Variants in ADAMTS20 observed in about 807,000 individuals in gnomAD.
ADAMTS20 encodes A disintegrin and metalloproteinase with thrombospondin motifs 20.
In ADAMTS20, 225 loss-of-function variants were observed where a neutral mutation model predicts 260.1. The observed-to-expected ratio is 0.87, with a 90% CI of 0.78 to 0.97. The LOEUF is 0.97. ADAMTS20 is among the 50% of genes least tolerant of loss of function. ADAMTS20 has a pLI of 0.00. For synonymous variants in ADAMTS20, 802 were observed against 769.5 expected, an observed-to-expected ratio of 1.04 and a Z score of -0.70; for missense variants, 2,400 against 2,337.7, an observed-to-expected ratio of 1.03 and a Z score of -0.55.
intron 29 of ADAMTS20, among the ~76,000 whole-genome samples, chr12:43,395,899 A>C (rs1168302402): frequency 6.6e-6 from 1 of 151,936 alleles, no homozygotes; most frequent in Non-Finnish European, 1.5e-5. Flanking sequence ...GAGATTGTGC[A>C]TTTGGATGGC....
intron 6 of ADAMTS20, among the ~76,000 whole-genome samples, 192 bp downstream of exon 6, chr12:43,492,313 G>T (rs2137430215): frequency 6.6e-6 from 1 of 151,798 alleles, no homozygotes; most frequent in East Asian, 1.9e-4. Context: ...CCAGGAGGCG[G>T]AGCTTGCAGT....
chr12:43,517,192 G>A (rs1017200497), intron 3 of ADAMTS20, among the ~76,000 whole-genome samples: 1 of 151,902 alleles, frequency 6.6e-6, no homozygotes, highest in Non-Finnish European at 1.5e-5. Context: ...TCTAAGGACA[G>A]TTCTAGAAAA....
chr12:43,490,901 T>C (rs1367314139), intron 6 of ADAMTS20, among the ~76,000 whole-genome samples: 1 of 152,102 alleles, frequency 6.6e-6, no homozygotes, highest in African/African-American at 2.4e-5. Flanking sequence ...TCTTATCACC[T>C]CTTTCTCATA....
intron 7 of ADAMTS20, among the ~76,000 whole-genome samples, chr12:43,472,507 G>C (rs991672941): frequency 1.5e-5 from 2 of 135,370 alleles, no homozygotes; most frequent in African/African-American, 5.7e-5. Flanking sequence ...TACTCCTCGA[G>C]AAGAGCAACT....
intron 3 of ADAMTS20, among the ~76,000 whole-genome samples, chr12:43,527,453 C>T (rs996783782): frequency 6.6e-5 from 10 of 152,098 alleles, no homozygotes; most frequent in African/African-American, 1.7e-4. Context: ...AAAGTACTGG[C>T]TAACCAAATC....
intron 32 of ADAMTS20, 90 bp downstream of exon 32, chr12:43,377,275 G>T: frequency 8.7e-7 from 1 of 1,153,724 alleles, no homozygotes; most frequent in Non-Finnish European, 1.2e-6. Flanking sequence ...CAACTCTGAG[G>T]ATCTAGTTAG....
intron 28 of ADAMTS20, among the ~76,000 whole-genome samples, chr12:43,416,860 A>C (rs1941142746): frequency 1.3e-5 from 2 of 152,034 alleles, no homozygotes; most frequent in African/African-American, 4.8e-5. Context: ...TGGTTTTGCT[A>C]TAGGTGGTCT....
intron 38 of ADAMTS20, 72 bp from the exon 39 acceptor site, chr12:43,354,370 C>A (rs1457196255): frequency 2.4e-5 from 27 of 1,131,740 alleles, no homozygotes; most frequent in Non-Finnish European, 3.5e-5. Context: ...GCAGAAAAAG[C>A]AAATGCTTTG....
intron 28 of ADAMTS20, among the ~76,000 whole-genome samples, chr12:43,401,347 A>G (rs1331454924): frequency 6.6e-6 from 1 of 151,950 alleles, no homozygotes; most frequent in Admixed American, 6.6e-5. Flanking sequence ...AGAATCAGCC[A>G]GTAAATATAC....
intron 2 of ADAMTS20, among the ~76,000 whole-genome samples, chr12:43,537,844 A>G (rs1943318233): frequency 6.6e-6 from 1 of 152,126 alleles, no homozygotes; most frequent in African/African-American, 2.4e-5. Context: ...AAATGACTAG[A>G]TCTCATTCTT....
At position 43,518,819 on chromosome 12, in the gene ADAMTS20, A is replaced by G. The variant is rs1380983121; in HGVS notation, c.613+13217T>C. 2.5e-3 allele frequency among the ~76,000 whole-genome samples: 118 copies of G among 47,580 alleles called. 1 individual carries two copies. Among genetic ancestry groups the G allele is most frequent in the Non-Finnish European group, 4.4e-3 (104 of 23,406 alleles). The allele number at this position is 47,580 out of a possible 152,430, so 31.2% of individuals were successfully genotyped here. A position where few individuals can be genotyped will look rare whatever the true frequency, so the allele number is the denominator to read the frequency against. The stretch of plus-strand genomic sequence containing the variant: ...ACTCCATCCTTCCACTGGCTCAGGA[A>G]AAAAAAAAAAAAAAAAAGAATAATC... On this transcript the variant is annotated intron_variant, in intron 3 of 38. Transcript: ENST00000389420.
At chr12:43,502,832 A>G (rs998579027) in intron 3 of ADAMTS20, among the ~76,000 whole-genome samples, 3 of 152,146 alleles carry the variant, frequency 2.0e-5, no homozygotes, top group Admixed American at 6.5e-5. Flanking sequence ...GAAACTTCAT[A>G]AAATATAGAA....
At chr12:43,429,566 C>T (rs12308781) in intron 24 of ADAMTS20, 51 bp downstream of exon 24, 4 of 1,339,218 alleles carry the variant, frequency 3.0e-6, no homozygotes, top group Non-Finnish European at 4.1e-6. Flanking sequence ...TTGTTGATGT[C>T]TAAAAGCTAC....
chr12:43,540,990 A>G (rs1187472253), intron 2 of ADAMTS20, among the ~76,000 whole-genome samples: 2 of 152,118 alleles, frequency 1.3e-5, no homozygotes, highest in African/African-American at 4.8e-5. Context: ...TCATCCATAT[A>G]TTTTTTTCAA....
rs1433642727 is a variant in ADAMTS20 at position 43,506,154 on chromosome 12, A to G, written c.614-3749T>C. Among the ~76,000 whole-genome samples the G allele has an allele frequency of 3.5e-5, 4 of 113,990 alleles. No homozygotes were observed. The East Asian group carries it at 2.3e-3, about 67-fold the overall frequency. The allele number at this position is 113,990 out of a possible 152,430, so 74.8% of individuals were successfully genotyped here. On this transcript the variant is annotated intron_variant, in intron 3 of 38. Coordinates refer to ENST00000389420, the MANE Select transcript of ADAMTS20 (RefSeq NM_025003.5). The stretch of plus-strand genomic sequence containing the variant: ...ACAAACAAAAACAACAACAACAACA[A>G]CAACAAAGGAAGGACATGCTGTGAC...
chr12:43,522,208 G>A (rs1457865124), intron 3 of ADAMTS20, among the ~76,000 whole-genome samples: 3 of 128,824 alleles, frequency 2.3e-5, no homozygotes, highest in African/African-American at 8.1e-5. Flanking sequence ...TCACAAGGCG[G>A]CAGGAAGGAG....
At chr12:43,521,846 A>G (rs941687576) in intron 3 of ADAMTS20, among the ~76,000 whole-genome samples, 2 of 152,044 alleles carry the variant, frequency 1.3e-5, no homozygotes, top group African/African-American at 4.8e-5. Context: ...TAAATGGGTT[A>G]CTCTTTTCCA....
intron 16 of ADAMTS20, among the ~76,000 whole-genome samples, chr12:43,441,716 G>A (rs1420916462): frequency 6.6e-6 from 1 of 152,110 alleles, no homozygotes; most frequent in South Asian, 2.1e-4. Flanking sequence ...GCTTGCTTAA[G>A]TTATACTTTT....
chr12:43,387,500 T>C (rs1445277273), intron 29 of ADAMTS20, among the ~76,000 whole-genome samples: 1 of 152,204 alleles, frequency 6.6e-6, no homozygotes, highest in Non-Finnish European at 1.5e-5. Flanking sequence ...TTCTGTCCCT[T>C]AGCAGAGCTC....
Sources: allele counts gnomAD v4.1 joint callset (sites outside exome capture counted in the v4.1 genomes callset), GRCh38; gene constraint gnomAD v4.1.1; transcripts MANE v1.5; gene names NCBI Gene and HGNC (gene_info 2026-07-23, HGNC 2026-07-21).